Variants in CTSB observed in about 807,000 individuals in gnomAD.
CTSB encodes APP secretase.
CTSB carries 57 observed loss-of-function variants against 44.3 expected under a neutral mutation model. The observed-to-expected ratio is 1.29, with a 90% CI of 1.04 to 1.60. CTSB has a LOEUF of 1.60. Among genes scored for constraint, CTSB ranks in the 40% most tolerant of loss-of-function variants. The pLI is 0.00. For missense variants in CTSB, 768 were observed against 443.0 expected, an observed-to-expected ratio of 1.73 and a Z score of -6.59; for synonymous variants, 320 against 168.0, an observed-to-expected ratio of 1.91 and a Z score of -7.00.
At chr8:11,858,663 C>T (rs536447900) in intron 1 of CTSB, among the ~76,000 whole-genome samples, 53 of 152,336 alleles carry the variant, frequency 3.5e-4, no homozygotes, top group African/African-American at 1.2e-3. Context: ...GGTCCCGAGA[C>T]TGCTGAGAAC....
At position 11,848,080 on chromosome 8, in the gene CTSB, A is replaced by G. The variant is rs370275342; in HGVS notation, c.519T>C (p.Tyr173=). Residue 173 remains tyrosine, a synonymous_variant, in exon 6 of 10, where the codon TAT becomes TAC. Transcript: ENST00000353047. ...TRKGLVSGGL[Y]ESHVGCRPYS... ...GGACACACTTACCTACATGGGATTC[A>G]TAGAGGCCACCAGAAACCAGGCCTT... is the stretch of plus-strand genomic sequence containing the variant. 8.1e-6 allele frequency: 13 copies of G among 1,613,414 alleles called. No homozygotes were observed. In the South Asian group the frequency reaches 1.2e-4, roughly 15 times the overall value.
chr8:11,865,657 C>G (rs1263315545), intron 1 of CTSB: 11 of 151,496 alleles, frequency 7.3e-5, no homozygotes, highest in African/African-American at 2.4e-4. Flanking sequence ...ATGTTTCAGT[C>G]CATATCTCGA....
chr8:11,864,190 G>A (rs1418731420), intron 1 of CTSB, among the ~76,000 whole-genome samples: 1 of 151,940 alleles, frequency 6.6e-6, no homozygotes, highest in African/African-American at 2.4e-5. Flanking sequence ...GTACAAAAAG[G>A]CCTGGAGGTG....
chr8:11,861,478 A>C (rs1586189842), intron 1 of CTSB: 1 of 152,262 alleles, frequency 6.6e-6, no homozygotes, highest in East Asian at 1.9e-4. Flanking sequence ...GCCTGAAGAC[A>C]CCTATGAGTG....
rs778539859 is a variant in CTSB at position 11,845,226 on chromosome 8, G to T, written c.923-4C>A. ...CCTCTGAGTATTTTAAAGAAGCCTG[G>T]GAATAAAAAGTAAGGTGCTTTTAAA... On this transcript the variant is annotated splice_polypyrimidine_tract_variant and splice_region_variant and intron_variant, in intron 9 of 9. Transcript: ENST00000353047. 7 of 1,605,858 alleles carry T rather than the reference G, an allele frequency of 4.4e-6. No individual in the cohort carries two copies. In the Admixed American group the frequency reaches 1.2e-4, roughly 27 times the overall value.
intron 3 of CTSB, among the ~76,000 whole-genome samples, chr8:11,851,774 C>G (rs1814637127): frequency 6.6e-6 from 1 of 151,998 alleles, no homozygotes; most frequent in Non-Finnish European, 1.5e-5. Flanking sequence ...TCATGCGATT[C>G]TCTAGCCTCA....
At chr8:11,865,722 T>C (rs1400825173) in intron 1 of CTSB, 1 of 150,842 alleles carries the variant, frequency 6.6e-6, no homozygotes, top group East Asian at 2.0e-4. Context: ...TTAAGAAAAT[T>C]ACCCCTCCAC....
intron 9 of CTSB, 104 bp from the exon 10 acceptor site, chr8:11,845,326 GC>G: frequency 3.4e-6 from 3 of 879,874 alleles, no homozygotes; most frequent in Non-Finnish European, 5.5e-6. Context: ...GGCCACTCCT[GC>G]TGTTGGCCCA....
At chr8:11,846,861 T>G (rs1813455505) in intron 8 of CTSB, among the ~76,000 whole-genome samples, 191 bp downstream of exon 8, 1 of 152,072 alleles carries the variant, frequency 6.6e-6, no homozygotes, top group African/African-American at 2.4e-5. Context: ...GCACAACACC[T>G]GGACAAAGAC....
Position 11,844,817 on chromosome 8 carries a change from C to T in CTSB, c.*308G>A, listed in dbSNP as rs1040316718. The T allele has an allele frequency of 3.0e-6, 1 of 332,114 alleles. No individual in the cohort carries two copies. Among genetic ancestry groups the T allele is most frequent in the African/African-American group, 2.1e-5 (1 of 48,654 alleles). The allele number at this position is 332,114 out of a possible 1,614,324, so 20.6% of individuals were successfully genotyped here. A position where few individuals can be genotyped will look rare whatever the true frequency, so the allele number is the denominator to read the frequency against. The stretch of plus-strand genomic sequence containing the variant: ...TTTCCATTCCTGCGTCTCTGTCTTG[C>T]TCCCTGGAGATGGATGGATCACGGA... On this transcript the variant is annotated 3_prime_UTR_variant, in exon 10 of 10. Transcript: ENST00000353047.
intron 1 of CTSB, among the ~76,000 whole-genome samples, chr8:11,861,711 C>T (rs1816443406): frequency 6.6e-6 from 1 of 152,240 alleles, no homozygotes; most frequent in Non-Finnish European, 1.5e-5. Flanking sequence ...CCAATGCATT[C>T]ACCACGTCTG....
Position 11,845,557 on chromosome 8 carries a change from C to A in CTSB, c.922+104G>T, listed in dbSNP as rs562324480. On this transcript the variant is annotated intron_variant, in intron 9 of 9. Coordinates refer to ENST00000353047, the MANE Select transcript of CTSB (RefSeq NM_001908.5). ...AGGAGCTCACAGCCTGGCCGTAGGT[C>A]CAGGGTTTAAGGCTGTGCGGTGGGT... The A allele has an allele frequency of 1.3e-5, 18 of 1,406,546 alleles. No individual in the cohort carries two copies. The Admixed American group carries it at 4.0e-4, about 31-fold the overall frequency. 87.1% of individuals were successfully genotyped at this position (1,406,546 alleles called of 1,614,324 possible).
At chr8:11,860,381 G>C (rs931683996) in intron 1 of CTSB, among the ~76,000 whole-genome samples, 2 of 152,146 alleles carry the variant, frequency 1.3e-5, no homozygotes, top group Non-Finnish European at 2.9e-5. Context: ...CCAGCACTTT[G>C]GGAGGCCAAG....
chr8:11,847,010 C>G (rs902141320), intron 8 of CTSB, 42 bp downstream of exon 8: 1 of 910,522 alleles, frequency 1.1e-6, no homozygotes, highest in East Asian at 2.5e-5. Context: ...AGGCTCCCCT[C>G]CCGACCCCCA....
intron 3 of CTSB, among the ~76,000 whole-genome samples, chr8:11,851,490 T>G (rs1049449728): frequency 6.6e-6 from 1 of 152,080 alleles, no homozygotes; most frequent in Non-Finnish European, 1.5e-5. Flanking sequence ...ACACCTGGCC[T>G]GACTTGCGAT....
chr8:11,850,898 T>A lies in CTSB; in HGVS notation c.295A>T (p.Ile99Phe). ...QWPQCPTIKE[I>F]RDQGSCGSCW... ...GAGCCACAGGAGCCCTGGTCTCTGA[T>A]CTCTTTGATGGTGGGACACTGTGGC... Residue 99 changes from isoleucine to phenylalanine, a missense_variant, in exon 4 of 10, where the codon ATC (isoleucine) becomes TTC (phenylalanine). Transcript: ENST00000353047. 1.2e-6 allele frequency: 2 copies of A among 1,613,498 alleles called. No individual in the cohort carries two copies. Among genetic ancestry groups the A allele is most frequent in the Non-Finnish European group, 1.7e-6 (2 of 1,179,638 alleles).
chr8:11,847,993 G>A (rs1813765235), intron 6 of CTSB, 74 bp downstream of exon 6: 8 of 1,403,158 alleles, frequency 5.7e-6, no homozygotes, highest in Non-Finnish European at 7.9e-6. Flanking sequence ...AGTTTATAAA[G>A]GCAAATAAAG....
chr8:11,855,200 T>A (rs1815310045), intron 1 of CTSB, among the ~76,000 whole-genome samples: 1 of 152,078 alleles, frequency 6.6e-6, no homozygotes, highest in Non-Finnish European at 1.5e-5. Context: ...TTTCATATTT[T>A]TAGTAAAGAC....
intron 1 of CTSB, among the ~76,000 whole-genome samples, chr8:11,856,798 C>T (rs529044302): frequency 2.6e-5 from 4 of 151,470 alleles, no homozygotes; most frequent in Middle Eastern, 3.4e-3. Flanking sequence ...GGAAGATGCA[C>T]GGCAGTCGGT....
Sources: gnomAD v4.1 joint callset for allele counts (sites outside exome capture counted in the v4.1 genomes callset) on GRCh38, gnomAD v4.1.1 for gene constraint, MANE v1.5 for transcripts, NCBI Gene and HGNC (gene_info 2026-07-23, HGNC 2026-07-21) for gene names.